Variants in SERINC1 observed in about 807,000 individuals in gnomAD.
SERINC1 encodes the protein tumor differentially expressed protein 2.
SERINC1 carries 38 observed loss-of-function variants against 52.9 expected under a neutral mutation model. The ratio of observed to expected loss-of-function variants is 0.72; its 90% confidence interval spans 0.55 to 0.94. The LOEUF (loss-of-function observed/expected upper bound fraction) is 0.94, where lower values mean the gene tolerates loss of function less well. Among genes scored for constraint, SERINC1 ranks in the 40% least tolerant of loss-of-function variants. SERINC1 has a pLI of 0.00. For missense variants in SERINC1, 471 were observed against 533.9 expected (o/e 0.88, Z 1.16); for synonymous variants, 198 against 183.1 (o/e 1.08, Z -0.66).
At chr6:122,467,505 C>T (rs1775209574) in intron 1 of SERINC1, among the ~76,000 whole-genome samples, 1 of 152,116 alleles carries the variant, frequency 6.6e-6, no homozygotes, top group Non-Finnish European at 1.5e-5. Flanking sequence ...ACTCAGGAGG[C>T]TGAGGCAAGC....
chr6:122,451,703 T>G lies in SERINC1; in HGVS notation c.811A>C (p.Thr271Pro). Residue 271 changes from threonine to proline, a missense_variant, in exon 7 of 10, where the codon ACA (threonine) becomes CCA (proline). By Grantham distance (38) the Thr-to-Pro change is conservative (BLOSUM62 -1). Transcript: ENST00000339697. ...ATAGCTGACCATGTCAAATACATTG[T>G]GTAGACTGTAATTACTGAAGACTGT... is the stretch of plus-strand genomic sequence containing the variant. The part of the protein sequence containing the change: ...LLQSSVITVY[T>P]MYLTWSAMTN... 8.0e-7 allele frequency: 1 copy of G among 1,247,816 alleles called. No individual in the cohort carries two copies. The highest frequency in any genetic ancestry group is 1.1e-6 in the Non-Finnish European group (1 of 942,434). 77.3% of individuals were successfully genotyped at this position (1,247,816 alleles called of 1,614,324 possible).
At chr6:122,464,278 A>G (rs1775151319) in intron 1 of SERINC1, among the ~76,000 whole-genome samples, 1 of 152,202 alleles carries the variant, frequency 6.6e-6, no homozygotes, top group Admixed American at 6.5e-5. Context: ...TAACTAAAAA[A>G]AGTCCTTAAA....
intron 5 of SERINC1, among the ~76,000 whole-genome samples, chr6:122,452,706 C>T (rs1774933097): frequency 6.6e-6 from 1 of 152,134 alleles, no homozygotes; most frequent in Non-Finnish European, 1.5e-5. Flanking sequence ...TTATTGAATG[C>T]CTGCATTCCA....
chr6:122,468,966 T>C (rs1775229589), intron 1 of SERINC1, among the ~76,000 whole-genome samples: 1 of 152,148 alleles, frequency 6.6e-6, no homozygotes, highest in Non-Finnish European at 1.5e-5. Flanking sequence ...AGCATGTAAG[T>C]AGGTATTAGT....
intron 5 of SERINC1, among the ~76,000 whole-genome samples, chr6:122,453,254 A>T: frequency 6.6e-6 from 1 of 152,192 alleles, no homozygotes; most frequent in Non-Finnish European, 1.5e-5. Flanking sequence ...AGGACTCAAC[A>T]TCATCATTAT....
At chr6:122,456,362 ATAAAG>A in intron 3 of SERINC1, 114 bp downstream of exon 3, 1 of 560,034 alleles carries the variant, frequency 1.8e-6, no homozygotes, top group Non-Finnish European at 2.9e-6. Context: ...TCATTCATGA[ATAAAG>A]TAATTCTGCA....
In SERINC1 at chr6:122,444,036, C is replaced by G. The variant is rs192194138; in HGVS notation, c.*1008G>C. ...ATATTTTTTTGTCTTACTCTGTTGC[C>G]CAGGCTAGAGTGCAGTGACGTGACC... On this transcript the variant is annotated 3_prime_UTR_variant, in exon 10 of 10. Transcript: ENST00000339697. The G allele has an allele frequency of 2.0e-4, 31 of 152,132 alleles. No homozygotes were observed. Among genetic ancestry groups the G allele is most frequent in the Admixed American group, 1.8e-3 (27 of 15,264 alleles). The allele number at this position is 152,132 out of a possible 1,614,324, so 9.4% of individuals were successfully genotyped here.
At chr6:122,454,289 A>G (rs1439234910) in intron 3 of SERINC1, 59 bp from the exon 4 acceptor site, 10 of 883,768 alleles carry the variant, frequency 1.1e-5, no homozygotes, top group Non-Finnish European at 1.8e-5. Context: ...AATTTCATAT[A>G]TGAAATCATT....
At chr6:122,455,092 T>C (rs1774973336) in intron 3 of SERINC1, among the ~76,000 whole-genome samples, 3 of 152,286 alleles carry the variant, frequency 2.0e-5, no homozygotes, top group African/African-American at 7.2e-5. Flanking sequence ...ATTATTGTCT[T>C]TATTTGCAGA....
At chr6:122,450,831 C>A (rs1185572620) in intron 7 of SERINC1, among the ~76,000 whole-genome samples, 2 of 152,112 alleles carry the variant, frequency 1.3e-5, no homozygotes, top group Non-Finnish European at 2.9e-5. Context: ...GAAGATGTGA[C>A]TGAATTGCTG....
In SERINC1 at chr6:122,444,511, T is replaced by C. The variant is rs1420240425; in HGVS notation, c.*533A>G. 1.3e-5 allele frequency: 2 copies of C among 152,434 alleles called. No homozygotes were observed. The highest frequency in any genetic ancestry group is 2.9e-5 in the Non-Finnish European group (2 of 68,214). 9.4% of individuals were successfully genotyped at this position (152,434 alleles called of 1,614,324 possible). A position where few individuals can be genotyped will look rare whatever the true frequency, so the allele number is the denominator to read the frequency against. ...AGTACCGACACCTCCATCCATAACC[T>C]ACACTATTGTCCACTAAACACTCCC... On this transcript the variant is annotated 3_prime_UTR_variant, in exon 10 of 10. Coordinates refer to ENST00000339697, the MANE Select transcript of SERINC1 (RefSeq NM_020755.4).
At position 122,444,820 on chromosome 6, in the gene SERINC1, C is replaced by A; in HGVS notation, c.*224G>T. 2.0e-6 allele frequency: 1 copy of A among 508,158 alleles called. No homozygotes were observed. Among genetic ancestry groups the A allele is most frequent in the Non-Finnish European group, 3.5e-6 (1 of 288,430 alleles). The allele number at this position is 508,158 out of a possible 1,614,324, so 31.5% of individuals were successfully genotyped here. On this transcript the variant is annotated 3_prime_UTR_variant, in exon 10 of 10. Transcript: ENST00000339697. ...GCCCAATAATGGCCACTTTTACTAA[C>A]TCATCACCATATTCATAAAACTTTC...
At chr6:122,445,923 T>TTAATACGC in intron 9 of SERINC1, among the ~76,000 whole-genome samples, 1 of 147,776 alleles carries the variant, frequency 6.8e-6, no homozygotes, top group Non-Finnish European at 1.5e-5. Flanking sequence ...TTCTTATAGC[T>TTAATACGC]TAATACGCTA....
At chr6:122,456,773 T>C (rs998252833) in intron 2 of SERINC1, 123 bp from the exon 3 acceptor site, 6 of 673,898 alleles carry the variant, frequency 8.9e-6, no homozygotes, top group African/African-American at 7.3e-5. Flanking sequence ...CAATTTATGA[T>C]GAATATGTAC....
intron 1 of SERINC1, among the ~76,000 whole-genome samples, chr6:122,468,101 G>T (rs527345785): frequency 1.3e-5 from 2 of 152,222 alleles, no homozygotes; most frequent in African/African-American, 4.8e-5. Context: ...ATTTAAAAAT[G>T]ATACAATTAA....
chr6:122,459,259 C>A (rs753950690), intron 1 of SERINC1, among the ~76,000 whole-genome samples: 18 of 152,274 alleles, frequency 1.2e-4, no homozygotes, highest in Admixed American at 2.0e-4. Context: ...AGTATGCCCC[C>A]AAGGGAACAG....
At chr6:122,468,344 T>C (rs1206920172) in intron 1 of SERINC1, among the ~76,000 whole-genome samples, 5 of 152,216 alleles carry the variant, frequency 3.3e-5, no homozygotes, top group Non-Finnish European at 5.9e-5. Flanking sequence ...AGCATCCTTG[T>C]CCTCTACCAA....
chr6:122,448,647 G>T (rs1774850630), intron 7 of SERINC1, among the ~76,000 whole-genome samples: 1 of 152,092 alleles, frequency 6.6e-6, no homozygotes, highest in African/African-American at 2.4e-5. Flanking sequence ...AAATTATACT[G>T]TTCACAATTG....
Position 122,458,571 on chromosome 6 carries a change from T to C in SERINC1, c.150A>G (p.Val50=), listed in dbSNP as rs754002702. The change falls in exon 2 of 10, where the codon GTA becomes GTG. Residue 50 remains valine, a synonymous_variant. Transcript: ENST00000339697. ...LIYALFLLVG[V]CVACVMLIPG... The stretch of plus-strand genomic sequence containing the variant: ...GTATCAACATTACACAAGCTACACA[T>C]ACTCCAACAAGCAAGAAAAGTGCAT... 3 of 1,613,296 alleles carry C rather than the reference T, an allele frequency of 1.9e-6. No individual in the cohort carries two copies. The highest frequency in any genetic ancestry group is 2.2e-5 in the East Asian group (1 of 44,852).
Sources: allele counts gnomAD v4.1 joint callset (sites outside exome capture counted in the v4.1 genomes callset), GRCh38; gene constraint gnomAD v4.1.1; transcripts MANE v1.5; gene names NCBI Gene and HGNC (gene_info 2026-07-23, HGNC 2026-07-21).